Variants in PDE3A observed in about 807,000 individuals in gnomAD.
The protein encoded by PDE3A is cGMP-inhibited 3',5'-cyclic phosphodiesterase 3A.
Under a neutral mutation model 98.3 loss-of-function variants are expected in PDE3A, and 43 were observed. That is an observed-to-expected ratio of 0.44 (90% CI 0.34 to 0.56). The LOEUF is 0.56. Ranked by LOEUF, PDE3A falls within the 20% of genes least tolerant of loss-of-function variation. The probability of loss-of-function intolerance (pLI) is 0.01; values close to 1 mark genes in which losing one functional copy is unlikely to be tolerated. For missense variants in PDE3A, 1,427 were observed against 1,440.7 expected (o/e 0.99, Z 0.15); for synonymous variants, 663 against 567.9 (o/e 1.17, Z -2.38).
At chr12:20,651,838 T>G (rs1944926381) in intron 14 of PDE3A, among the ~76,000 whole-genome samples, 1 of 152,226 alleles carries the variant, frequency 6.6e-6, no homozygotes, top group Admixed American at 6.5e-5. Context: ...TACATATATA[T>G]ACATGTGCCC....
chr12:20,573,492 G>A (rs1417530692), intron 2 of PDE3A, among the ~76,000 whole-genome samples: 1 of 151,750 alleles, frequency 6.6e-6, no homozygotes, highest in Non-Finnish European at 1.5e-5. Flanking sequence ...AAGTCACTGA[G>A]CTAGAAAGAG....
At chr12:20,551,487 C>T (rs1942195705) in intron 1 of PDE3A, 5 of 743,422 alleles carry the variant, frequency 6.7e-6, no homozygotes, top group Non-Finnish European at 1.1e-5. Context: ...CATGGCCGTT[C>T]TTAGTTGGTG....
intron 5 of PDE3A, among the ~76,000 whole-genome samples, chr12:20,627,148 A>T (rs924732443): frequency 3.3e-5 from 5 of 149,258 alleles, no homozygotes; most frequent in African/African-American, 1.2e-4. Flanking sequence ...GTTCTGTTAA[A>T]AAAAAAAAAA....
At chr12:20,463,972 A>AT (rs1945297788) in intron 1 of PDE3A, among the ~76,000 whole-genome samples, 1 of 152,126 alleles carries the variant, frequency 6.6e-6, no homozygotes, top group South Asian at 2.1e-4. Context: ...TTATAGATGG[A>AT]TTTTCCACTT....
chr12:20,501,129 G>A (rs1327945651), intron 1 of PDE3A, among the ~76,000 whole-genome samples: 14 of 152,210 alleles, frequency 9.2e-5, no homozygotes, highest in Admixed American at 1.3e-4. Flanking sequence ...AGAAAATAAC[G>A]TACTAATGTG....
At chr12:20,533,521 A>T (rs541230401) in intron 1 of PDE3A, among the ~76,000 whole-genome samples, 14 of 140,870 alleles carry the variant, frequency 9.9e-5, no homozygotes, top group Non-Finnish European at 2.0e-4. Flanking sequence ...TCGTCCTGTC[A>T]CCCAGGCTGG....
At chr12:20,383,085 T>C (rs532265911) in intron 1 of PDE3A, among the ~76,000 whole-genome samples, 8 of 151,962 alleles carry the variant, frequency 5.3e-5, no homozygotes, top group South Asian at 4.2e-4. Flanking sequence ...GGGTGCTTCA[T>C]TGAAAAAGGC....
chr12:20,497,411 G>T (rs1046337881), intron 1 of PDE3A, among the ~76,000 whole-genome samples: 3 of 151,272 alleles, frequency 2.0e-5, no homozygotes, highest in African/African-American at 7.3e-5. Context: ...TGAATGGAGG[G>T]CTGTATTCTA....
At chr12:20,435,225 T>G (rs1255986423) in intron 1 of PDE3A, among the ~76,000 whole-genome samples, 3 of 152,196 alleles carry the variant, frequency 2.0e-5, no homozygotes. Flanking sequence ...GTGAGATTCT[T>G]GGTCGTGGAA....
At chr12:20,650,727 A>G in intron 14 of PDE3A, 127 bp downstream of exon 14, 1 of 505,950 alleles carries the variant, frequency 2.0e-6, no homozygotes, top group Non-Finnish European at 3.3e-6. Flanking sequence ...CAGAAAATGC[A>G]CTGGTCAATT....
chr12:20,615,518 G>A (rs192520189), intron 3 of PDE3A, among the ~76,000 whole-genome samples: 2 of 152,130 alleles, frequency 1.3e-5, no homozygotes, highest in Non-Finnish European at 2.9e-5. Flanking sequence ...TATGACTGTG[G>A]TGCAAGGTGA....
chr12:20,461,027 T>G (rs1945239450), intron 1 of PDE3A, among the ~76,000 whole-genome samples: 1 of 152,140 alleles, frequency 6.6e-6, no homozygotes, highest in African/African-American at 2.4e-5. Context: ...AGTGGTGGTA[T>G]AAAAGATTGT....
intron 15 of PDE3A, among the ~76,000 whole-genome samples, chr12:20,654,841 G>C (rs1012968665): frequency 2.0e-5 from 3 of 151,972 alleles, no homozygotes; most frequent in African/African-American, 7.3e-5. Flanking sequence ...ATTTAAAAGT[G>C]AAAGAATTTC....
At chr12:20,611,590 G>A (rs557102906) in intron 2 of PDE3A, among the ~76,000 whole-genome samples, 1 of 151,620 alleles carries the variant, frequency 6.6e-6, no homozygotes, top group Admixed American at 6.6e-5. Context: ...TAGACTTGTG[G>A]TTAATATATA....
intron 2 of PDE3A, among the ~76,000 whole-genome samples, chr12:20,610,616 G>A (rs1408965835): frequency 6.6e-6 from 1 of 151,910 alleles, no homozygotes; most frequent in African/African-American, 2.4e-5. Flanking sequence ...AATACCATAA[G>A]CATCTGTCCA....
At chr12:20,612,131 A>C (rs2121448110) in intron 2 of PDE3A, among the ~76,000 whole-genome samples, 1 of 152,050 alleles carries the variant, frequency 6.6e-6, no homozygotes, top group South Asian at 2.1e-4. Flanking sequence ...CTACTCGTTT[A>C]CCCAAACCAT....
At chr12:20,667,101 TG>T (rs1023628849) in intron 15 of PDE3A, among the ~76,000 whole-genome samples, 7 of 152,206 alleles carry the variant, frequency 4.6e-5, no homozygotes, top group Admixed American at 4.6e-4. Context: ...TTCATGTCCT[TG>T]CCCACTTTTT....
intron 1 of PDE3A, among the ~76,000 whole-genome samples, chr12:20,521,906 C>A (rs1245211975): frequency 6.6e-6 from 1 of 152,088 alleles, no homozygotes; most frequent in Non-Finnish European, 1.5e-5. Context: ...AAACCGCAAC[C>A]ACTTGCAAAC....
chr12:20,468,544 C>G (rs1185723804), intron 1 of PDE3A, among the ~76,000 whole-genome samples: 1 of 152,136 alleles, frequency 6.6e-6, no homozygotes. Context: ...AGAGATGATT[C>G]AAATTACACT....
Sources: gnomAD v4.1 joint callset for allele counts (sites outside exome capture counted in the v4.1 genomes callset) on GRCh38, gnomAD v4.1.1 for gene constraint, MANE v1.5 for transcripts, NCBI Gene and HGNC (gene_info 2026-07-23, HGNC 2026-07-21) for gene names.